Variants in IFT57 observed in about 807,000 individuals in gnomAD.
IFT57 encodes the protein intraflagellar transport 57.
In IFT57, 59 loss-of-function variants were observed where a neutral mutation model predicts 56.8. The observed-to-expected ratio is 1.04, with a 90% CI of 0.84 to 1.29. IFT57 has a LOEUF of 1.29. Ranked by LOEUF, IFT57 falls within the 50% of genes most tolerant of loss-of-function variation. The probability of loss-of-function intolerance (pLI) is 0.00; values close to 1 mark genes in which losing one functional copy is unlikely to be tolerated. For missense variants in IFT57, 470 were observed against 522.1 expected (o/e 0.90, Z 0.97); for synonymous variants, 209 against 186.1 (o/e 1.12, Z -1.00).
intron 3 of IFT57, among the ~76,000 whole-genome samples, chr3:108,217,444 A>G (rs1364250785): frequency 2.0e-5 from 3 of 152,048 alleles, no homozygotes; most frequent in African/African-American, 7.2e-5. Flanking sequence ...GAAATTTAAT[A>G]AAGTATTATG....
intron 9 of IFT57, 44 bp from the exon 10 acceptor site, chr3:108,163,773 CTT>C (rs770397341): frequency 8.0e-7 from 1 of 1,254,552 alleles, no homozygotes; most frequent in African/African-American, 1.5e-5. Flanking sequence ...TTTTAATAAA[CTT>C]TCACAATTTT....
intron 5 of IFT57, among the ~76,000 whole-genome samples, chr3:108,201,695 AG>A (rs1361048398): frequency 6.6e-6 from 1 of 152,242 alleles, no homozygotes; most frequent in Non-Finnish European, 1.5e-5. Flanking sequence ...TACATAGAAC[AG>A]TTTTTTCTCC....
chr3:108,204,670 A>G (rs1313308442), intron 5 of IFT57, among the ~76,000 whole-genome samples: 2 of 152,214 alleles, frequency 1.3e-5, no homozygotes, highest in Non-Finnish European at 2.9e-5. Flanking sequence ...ACACACATTA[A>G]GTAAACACCA....
chr3:108,214,323 C>T (rs575420546), intron 3 of IFT57, among the ~76,000 whole-genome samples: 2 of 152,226 alleles, frequency 1.3e-5, no homozygotes, highest in African/African-American at 4.8e-5. Flanking sequence ...CATACAAGCA[C>T]TGTATTTCAT....
chr3:108,203,319 G>C (rs1354226209), intron 5 of IFT57, among the ~76,000 whole-genome samples: 2 of 152,102 alleles, frequency 1.3e-5, no homozygotes, highest in African/African-American at 2.4e-5. Context: ...ACTCCAAACT[G>C]TCTCAGTGTT....
intron 6 of IFT57, among the ~76,000 whole-genome samples, chr3:108,172,270 G>A (rs1287553914): frequency 6.6e-6 from 1 of 151,778 alleles, no homozygotes; most frequent in African/African-American, 2.4e-5. Flanking sequence ...GAAAATACAT[G>A]GAGACCAAGC....
At chr3:108,220,212 C>A (rs1013215409) in intron 1 of IFT57, among the ~76,000 whole-genome samples, 1 of 152,188 alleles carries the variant, frequency 6.6e-6, no homozygotes, top group African/African-American at 2.4e-5. Flanking sequence ...GTCACATCAC[C>A]AGTCAAACAT....
chr3:108,176,858 T>C (rs2080126495), intron 6 of IFT57, among the ~76,000 whole-genome samples: 1 of 151,822 alleles, frequency 6.6e-6, no homozygotes, highest in African/African-American at 2.4e-5. Context: ...AACTATAATG[T>C]TAACATTCAT....
chr3:108,185,358 T>C (rs2080175319), intron 6 of IFT57, among the ~76,000 whole-genome samples: 1 of 152,022 alleles, frequency 6.6e-6, no homozygotes. Flanking sequence ...CTTTAAGAAA[T>C]GTCAAGATAA....
intron 5 of IFT57, among the ~76,000 whole-genome samples, chr3:108,202,282 A>G (rs1356350931): frequency 6.6e-6 from 1 of 152,220 alleles, no homozygotes; most frequent in Non-Finnish European, 1.5e-5. Flanking sequence ...AAGACTACTC[A>G]TAATTACGGC....
chr3:108,222,406 C>G lies in IFT57; in HGVS notation c.-84G>C. 1 of 1,231,104 alleles carries G rather than the reference C, an allele frequency of 8.1e-7. No homozygotes were observed. The highest frequency in any genetic ancestry group is 1.1e-6 in the Non-Finnish European group (1 of 907,706). The allele number at this position is 1,231,104 out of a possible 1,614,324, so 76.3% of individuals were successfully genotyped here. On this transcript the variant is annotated 5_prime_UTR_variant, in exon 1 of 11. Coordinates refer to ENST00000264538, the MANE Select transcript of IFT57 (RefSeq NM_018010.4). ...GCCAGCCCTGCCGCCGCCAGTACAG[C>G]CACGACCGGTTACCAGGCGACCACC...
At chr3:108,190,774 T>G (rs921016404) in intron 6 of IFT57, among the ~76,000 whole-genome samples, 1 of 152,150 alleles carries the variant, frequency 6.6e-6, no homozygotes, top group African/African-American at 2.4e-5. Flanking sequence ...TAAATATGAC[T>G]TCTTGATTAT....
At chr3:108,180,323 A>C (rs1324427283) in intron 6 of IFT57, among the ~76,000 whole-genome samples, 1 of 151,948 alleles carries the variant, frequency 6.6e-6, no homozygotes, top group Non-Finnish European at 1.5e-5. Flanking sequence ...CAGGCTTTAG[A>C]AGGAGTTACA....
chr3:108,169,265 T>C (rs2080079815), intron 6 of IFT57, among the ~76,000 whole-genome samples: 1 of 152,092 alleles, frequency 6.6e-6, no homozygotes, highest in African/African-American at 2.4e-5. Flanking sequence ...TTTTATCATA[T>C]GTTTTTTGGC....
intron 6 of IFT57, among the ~76,000 whole-genome samples, chr3:108,187,941 T>C (rs1362246110): frequency 6.6e-6 from 1 of 151,172 alleles, no homozygotes; most frequent in Admixed American, 6.6e-5. Flanking sequence ...CAAAGGTTTT[T>C]GTTTTTTTTT....
intron 8 of IFT57, 90 bp from the exon 9 acceptor site, chr3:108,165,583 G>T: frequency 1.1e-6 from 1 of 939,488 alleles, no homozygotes; most frequent in Non-Finnish European, 1.8e-6. Flanking sequence ...ATTTCTGCAG[G>T]TCATTTTATG....
chr3:108,184,480 T>C lies in IFT57; in HGVS notation c.777+7041A>G, dbSNP rs568015911. Among the ~76,000 whole-genome samples, 7 of 152,096 alleles carry C rather than the reference T, an allele frequency of 4.6e-5. No homozygotes were observed. The South Asian group carries it at 1.2e-3, about 27-fold the overall frequency. On this transcript the variant is annotated intron_variant, in intron 6 of 10. Coordinates refer to ENST00000264538, the MANE Select transcript of IFT57 (RefSeq NM_018010.4). Reference sequence around the variant, plus strand: ...ATGTTATAAACACATAAAATATACATAGATACTAGTCTATGTTATTTACTA... The same window carrying C: ...ATGTTATAAACACATAAAATATACACAGATACTAGTCTATGTTATTTACTA...
Position 108,165,418 on chromosome 3 carries a change from C to T in IFT57, c.1044+13G>A, listed in dbSNP as rs1404541597. On this transcript the variant is annotated intron_variant, in intron 9 of 10. Transcript: ENST00000264538. ...TGACAGGTGAGAAGCAGGGCAAGAG[C>T]ATCAGTGTGTACCTCAGAGAGGAGT... The T allele has an allele frequency of 1.2e-6, 2 of 1,609,134 alleles. No individual in the cohort carries two copies. The highest frequency in any genetic ancestry group is 1.3e-5 in the African/African-American group (1 of 74,748).
intron 5 of IFT57, among the ~76,000 whole-genome samples, chr3:108,202,767 T>C (rs1230378019): frequency 6.6e-6 from 1 of 152,212 alleles, no homozygotes; most frequent in East Asian, 1.9e-4. Flanking sequence ...TCACACAGAA[T>C]GACTTTAAAT....
Sources: allele counts gnomAD v4.1 joint callset (sites outside exome capture counted in the v4.1 genomes callset), GRCh38; gene constraint gnomAD v4.1.1; transcripts MANE v1.5; gene names NCBI Gene and HGNC (gene_info 2026-07-23, HGNC 2026-07-21).